ABCG5: variants seen among roughly 807,000 people sequenced by gnomAD.
ABCG5 encodes the protein ATP binding cassette subfamily G member 5.
ABCG5 carries 64 observed loss-of-function variants against 64.5 expected under a neutral mutation model. The observed-to-expected ratio is 0.99, with a 90% CI of 0.81 to 1.22. ABCG5 has a LOEUF of 1.22. Ranked by LOEUF, ABCG5 falls within the 50% of genes most tolerant of loss-of-function variation. The pLI is 0.00. For missense variants in ABCG5, 908 were observed against 829.5 expected (o/e 1.09, Z -1.16); for synonymous variants, 385 against 326.3 (o/e 1.18, Z -1.94).
At chr2:43,828,182 G>C in intron 4 of ABCG5, 67 bp from the exon 5 acceptor site, 1 of 1,607,916 alleles carries the variant, frequency 6.2e-7, no homozygotes, top group Non-Finnish European at 8.5e-7. Context: ...TCATGGGCTG[G>C]GGAGGACATG....
At chr2:43,817,055 G>A (rs766873232) in intron 11 of ABCG5, among the ~76,000 whole-genome samples, 3 of 152,234 alleles carry the variant, frequency 2.0e-5, no homozygotes, top group African/African-American at 7.2e-5. Context: ...GGAATGACTA[G>A]CAGGTTGATG....
intron 10 of ABCG5, among the ~76,000 whole-genome samples, chr2:43,820,641 T>C (rs1228502372): frequency 1.3e-5 from 2 of 152,168 alleles, no homozygotes; most frequent in Non-Finnish European, 2.9e-5. Flanking sequence ...TACCAACCCC[T>C]TCCACTGATT....
chr2:43,823,229 T>C (rs1260961953), intron 9 of ABCG5, among the ~76,000 whole-genome samples: 1 of 152,176 alleles, frequency 6.6e-6, no homozygotes, highest in Non-Finnish European at 1.5e-5. Context: ...GGGGCATGAA[T>C]AAGTGATTTG....
chr2:43,822,479 C>CCCG (rs2104801788), intron 10 of ABCG5: 10 of 668,688 alleles, frequency 1.5e-5, no homozygotes, highest in Non-Finnish European at 1.8e-5. Context: ...CTCCCCCAGG[C>CCCG]CCCCCCCCAT....
chr2:43,806,413 TG>T, the ABCG5 span, among the ~76,000 whole-genome samples: 1 of 152,168 alleles, frequency 6.6e-6, no homozygotes, highest in Admixed American at 6.5e-5. Flanking sequence ...CTTCGGGGGC[TG>T]TTGGAGAAGT....
At chr2:43,830,312 G>A (rs779030726) in intron 4 of ABCG5, among the ~76,000 whole-genome samples, 10 of 152,226 alleles carry the variant, frequency 6.6e-5, no homozygotes, top group Non-Finnish European at 1.5e-4. Flanking sequence ...GTAATCTGAT[G>A]TATTCTTCAC....
rs747482585 is a variant in ABCG5 at position 43,838,502 on chromosome 2, CT to C, written c.143+34del. 5 of 1,574,902 alleles carry C rather than the reference CT, an allele frequency of 3.2e-6. No individual in the cohort carries two copies. The African/African-American group carries it at 5.4e-5, about 17-fold the overall frequency. ...GGGGTGAGCGCCGGGCCCCGCACTC[CT>C]GGGGGAGCAGCAGCAGCAAGGGCTC... On this transcript the variant is annotated intron_variant, in intron 1 of 12. Transcript: ENST00000405322. This position sits in a 1 kb window ranked among gnomAD's most constrained non-coding sequence, Gnocchi z 4.2.
intron 10 of ABCG5, among the ~76,000 whole-genome samples, chr2:43,821,781 C>T (rs752690575): frequency 2.6e-5 from 4 of 152,126 alleles, no homozygotes; most frequent in Non-Finnish European, 5.9e-5. Flanking sequence ...TTCCCAATTT[C>T]AATCTCTCTC....
chr2:43,834,843 T>G (rs1371804665), intron 2 of ABCG5, among the ~76,000 whole-genome samples: 1 of 152,256 alleles, frequency 6.6e-6, no homozygotes, highest in Non-Finnish European at 1.5e-5. Context: ...CAGGCTTGCT[T>G]TAGACTATAC....
chr2:43,818,271 C>A (rs573805729), intron 11 of ABCG5, among the ~76,000 whole-genome samples: 1 of 151,958 alleles, frequency 6.6e-6, no homozygotes, highest in Non-Finnish European at 1.5e-5. Flanking sequence ...TGGCGAAACC[C>A]CATCTCTACT....
chr2:43,809,434 G>A (rs1435098994), downstream of ABCG5, among the ~76,000 whole-genome samples: 1 of 152,196 alleles, frequency 6.6e-6, no homozygotes, highest in African/African-American at 2.4e-5. Context: ...CAATTCATAT[G>A]TATTATGTAG....
chr2:43,820,800 C>T (rs113629534), intron 10 of ABCG5, among the ~76,000 whole-genome samples: 1,759 of 152,094 alleles, frequency 0.012, 23 homozygotes, highest in Non-Finnish European at 0.019. Flanking sequence ...ATTACAGGTG[C>T]GCACCACCAC....
chr2:43,820,878 T>C (rs1202003119), intron 10 of ABCG5, among the ~76,000 whole-genome samples: 1 of 152,166 alleles, frequency 6.6e-6, no homozygotes, highest in East Asian at 1.9e-4. Flanking sequence ...GGTCTTGAAC[T>C]CCTGGCCTCA....
At chr2:43,822,582 T>G (rs1173845319) in intron 10 of ABCG5, 1 of 985,020 alleles carries the variant, frequency 1.0e-6, no homozygotes, top group East Asian at 1.1e-4. Flanking sequence ...ACATGTCATC[T>G]TGTTGGTTTG....
chr2:43,822,999 C>A, intron 9 of ABCG5, 64 bp from the exon 10 acceptor site: 1 of 1,595,816 alleles, frequency 6.3e-7, no homozygotes. Flanking sequence ...GGAGGGCTAG[C>A]CCAAGCTGAA....
chr2:43,838,599 C>T lies in ABCG5; in HGVS notation c.81G>A (p.Gly27=). 6.2e-7 allele frequency: 1 copy of T among 1,611,874 alleles called. No homozygotes were observed. Among genetic ancestry groups the T allele is most frequent in the East Asian group, 2.2e-5 (1 of 44,824 alleles). The change falls in exon 1 of 13, where the codon GGG becomes GGA. Residue 27 remains glycine (G), a synonymous_variant. Coordinates refer to ENST00000405322, the MANE Select transcript of ABCG5 (RefSeq NM_022436.3). This position sits in a 1 kb window ranked among gnomAD's most constrained non-coding sequence, Gnocchi z 4.2. ...VNRGSQSSLE[G]APATAPEPHS... ...GAGGCTCCGGGGCGGTGGCAGGAGC[C>T]CCCTCCAGGGAGCTCTGGGAGCCTC...
intron 11 of ABCG5, among the ~76,000 whole-genome samples, chr2:43,819,420 A>G (rs1667044071): frequency 6.6e-6 from 1 of 152,004 alleles, no homozygotes; most frequent in Non-Finnish European, 1.5e-5. Context: ...AATTACTGCT[A>G]TCATTTGGTG....
chr2:43,828,969 A>T (rs1026257276), intron 4 of ABCG5, among the ~76,000 whole-genome samples: 4 of 152,028 alleles, frequency 2.6e-5, no homozygotes, highest in African/African-American at 9.7e-5. Flanking sequence ...CGATTCAAAA[A>T]AAATAATAAT....
At chr2:43,808,811 G>A (rs368210242), downstream of ABCG5, among the ~76,000 whole-genome samples, 1 of 152,138 alleles carries the variant, frequency 6.6e-6, no homozygotes, top group Non-Finnish European at 1.5e-5. Flanking sequence ...GTGAATGAAC[G>A]CTAATTATTT....
Sources: allele counts gnomAD v4.1 joint callset (sites outside exome capture counted in the v4.1 genomes callset), GRCh38; gene constraint gnomAD v4.1.1; non-coding constraint Gnocchi (gnomAD v3.1); transcripts MANE v1.5; gene names NCBI Gene and HGNC (gene_info 2026-07-23, HGNC 2026-07-21).